The following ZNF385B variants were observed in gnomAD, a reference collection of about 807,000 sequenced individuals.
The protein encoded by ZNF385B is zinc finger protein 533.
ZNF385B carries 23 observed loss-of-function variants against 39.2 expected under a neutral mutation model. That is an observed-to-expected ratio of 0.59 (90% CI 0.42 to 0.83). ZNF385B has a LOEUF of 0.83. Among genes scored for constraint, ZNF385B ranks in the 40% least tolerant of loss-of-function variants. The pLI, the probability that ZNF385B is intolerant of heterozygous loss-of-function variation, is 0.00. For missense variants in ZNF385B, 552 were observed against 598.9 expected (o/e 0.92, Z 0.82); for synonymous variants, 205 against 222.6 (o/e 0.92, Z 0.70).
chr2:179,688,168 A>C (rs1575233819), intron 3 of ZNF385B, among the ~76,000 whole-genome samples: 3 of 152,272 alleles, frequency 2.0e-5, no homozygotes, highest in Admixed American at 2.0e-4. Flanking sequence ...GAAGAGTAGA[A>C]AGAAAGCAGG....
chr2:179,458,922 A>G (rs950357261), intron 6 of ZNF385B, among the ~76,000 whole-genome samples: 3 of 152,234 alleles, frequency 2.0e-5, no homozygotes, highest in Non-Finnish European at 2.9e-5. Flanking sequence ...TGAGGTATAC[A>G]TGTTAATAAA....
intron 1 of ZNF385B, among the ~76,000 whole-genome samples, chr2:179,779,537 G>A (rs1002593803): frequency 4.6e-5 from 7 of 152,204 alleles, no homozygotes; most frequent in Admixed American, 1.3e-4. Context: ...TCAAAAACAG[G>A]GTGCAGAGTA....
At chr2:179,601,581 C>T (rs1474539050) in intron 3 of ZNF385B, among the ~76,000 whole-genome samples, 1 of 152,156 alleles carries the variant, frequency 6.6e-6, no homozygotes, top group East Asian at 1.9e-4. Flanking sequence ...AAAAACTAAT[C>T]TTGCCTTGTG....
intron 1 of ZNF385B, among the ~76,000 whole-genome samples, chr2:179,771,305 G>A (rs552905055): frequency 2.0e-5 from 3 of 152,136 alleles, no homozygotes; most frequent in Non-Finnish European, 2.9e-5. Flanking sequence ...TTCGGAAAAG[G>A]TATGACCATA....
At chr2:179,745,667 G>A (rs2106459379) in intron 3 of ZNF385B, 3 of 1,484,272 alleles carry the variant, frequency 2.0e-6, no homozygotes, top group Non-Finnish European at 1.8e-6. Flanking sequence ...ATCTGTTACT[G>A]ACATCCCAGA....
At position 179,772,952 on chromosome 2, in the gene ZNF385B, G is replaced by C. The variant is rs572076137; in HGVS notation, c.-154-2280C>G. On this transcript the variant is annotated intron_variant, in intron 1 of 9. Coordinates refer to ENST00000410066, the MANE Select transcript of ZNF385B (RefSeq NM_152520.6). ...GACCAACAACTTAACATTCATAAGAGAATAAGACATTTTAGTGCAGGCAAA... is the reference window on the plus strand; with the variant it reads ...GACCAACAACTTAACATTCATAAGACAATAAGACATTTTAGTGCAGGCAAA... Among the ~76,000 whole-genome samples the C allele has an allele frequency of 8.8e-4, 134 of 152,284 alleles. 2 individuals are homozygous for C. The Middle Eastern group carries it at 0.01, about 12-fold the overall frequency.
At chr2:179,676,309 C>T (rs962368690) in intron 3 of ZNF385B, among the ~76,000 whole-genome samples, 6 of 151,836 alleles carry the variant, frequency 4.0e-5, no homozygotes, top group Admixed American at 2.0e-4. Flanking sequence ...AGGATGGTCT[C>T]GATCTCCCGA....
intron 3 of ZNF385B, among the ~76,000 whole-genome samples, chr2:179,674,214 ATAAT>A (rs1290016178): frequency 6.6e-6 from 1 of 152,220 alleles, no homozygotes; most frequent in Non-Finnish European, 1.5e-5. Context: ...TGCACTGTAG[ATAAT>A]TAATGAGCAA....
At chr2:179,779,240 A>G (rs1401038678) in intron 1 of ZNF385B, among the ~76,000 whole-genome samples, 1 of 152,232 alleles carries the variant, frequency 6.6e-6, no homozygotes, top group East Asian at 1.9e-4. Flanking sequence ...AATGAAGAGC[A>G]GTAGAGGGAA....
intron 6 of ZNF385B, among the ~76,000 whole-genome samples, chr2:179,462,710 A>G (rs2051478832): frequency 6.6e-6 from 1 of 152,220 alleles, no homozygotes; most frequent in Admixed American, 6.5e-5. Flanking sequence ...TAGATGCACA[A>G]AAAAGGAGTA....
chr2:179,545,151 A>G (rs1460848876), intron 3 of ZNF385B, among the ~76,000 whole-genome samples, 182 bp from the exon 4 acceptor site: 1 of 152,184 alleles, frequency 6.6e-6, no homozygotes, highest in African/African-American at 2.4e-5. Context: ...TCATTATCCA[A>G]GACAGTGGTG....
At chr2:179,528,394 C>T (rs970130754) in intron 4 of ZNF385B, among the ~76,000 whole-genome samples, 2 of 152,192 alleles carry the variant, frequency 1.3e-5, no homozygotes, top group Non-Finnish European at 2.9e-5. Flanking sequence ...TTCTGCACAG[C>T]GTGGTTGGCC....
Position 179,588,311 on chromosome 2 carries a change from A to G in ZNF385B, c.299-43342T>C, listed in dbSNP as rs138721717. ...CACCGTGTTAGCGAGCATGGTCTCA[A>G]TCTCCTGACCTCGTGATCCGCCCGC... On this transcript the variant is annotated intron_variant, in intron 3 of 9. Coordinates refer to ENST00000410066, the MANE Select transcript of ZNF385B (RefSeq NM_152520.6). Among the ~76,000 whole-genome samples, 52 of 152,190 alleles carry G rather than the reference A, an allele frequency of 3.4e-4. No homozygotes were observed. In the East Asian group the frequency reaches 9.3e-3, roughly 27 times the overall value.
chr2:179,837,971 T>G (rs1441314724), intron 1 of ZNF385B, among the ~76,000 whole-genome samples: 1 of 152,228 alleles, frequency 6.6e-6, no homozygotes, highest in Non-Finnish European at 1.5e-5. Context: ...CTTTTAACTT[T>G]AATACTACTT....
chr2:179,541,553 A>T (rs1261704435), intron 4 of ZNF385B, among the ~76,000 whole-genome samples: 1 of 152,188 alleles, frequency 6.6e-6, no homozygotes, highest in Non-Finnish European at 1.5e-5. Flanking sequence ...ATTAAAACTG[A>T]CCTCATTTCT....
At chr2:179,579,204 T>C in intron 3 of ZNF385B, among the ~76,000 whole-genome samples, 1 of 152,146 alleles carries the variant, frequency 6.6e-6, no homozygotes, top group Admixed American at 6.6e-5. Flanking sequence ...GGAGAAAAAC[T>C]GAAAATTTTA....
chr2:179,551,518 T>A (rs1013215985), intron 3 of ZNF385B, among the ~76,000 whole-genome samples: 3 of 136,092 alleles, frequency 2.2e-5, no homozygotes, highest in Non-Finnish European at 4.7e-5. Context: ...CATTATACTC[T>A]CATTAACATA....
chr2:179,449,441 T>C (rs973877150), intron 6 of ZNF385B, among the ~76,000 whole-genome samples: 14 of 152,106 alleles, frequency 9.2e-5, no homozygotes, highest in African/African-American at 3.4e-4. Flanking sequence ...ATCACAAGCA[T>C]TCTTATACAC....
At chr2:179,465,130 A>G (rs1184949296) in intron 6 of ZNF385B, among the ~76,000 whole-genome samples, 1 of 151,946 alleles carries the variant, frequency 6.6e-6, no homozygotes, top group African/African-American at 2.4e-5. Flanking sequence ...TTTTCCCTTC[A>G]ATGTCCACAA....
Sources: gnomAD v4.1 joint callset for allele counts (sites outside exome capture counted in the v4.1 genomes callset) on GRCh38, gnomAD v4.1.1 for gene constraint, MANE v1.5 for transcripts, NCBI Gene and HGNC (gene_info 2026-07-23, HGNC 2026-07-21) for gene names.